The following ABI3BP variants were observed in gnomAD, a reference collection of about 807,000 sequenced individuals.
ABI3BP encodes the protein target of Nesh-SH3.
A neutral mutation model predicts 268.6 loss-of-function variants in ABI3BP; 216 were observed. The ratio of observed to expected loss-of-function variants is 0.80; its 90% CI spans 0.72 to 0.90. The LOEUF (loss-of-function observed/expected upper bound fraction) is 0.90. Ranked by LOEUF, ABI3BP falls within the 40% of genes least tolerant of loss-of-function variation. ABI3BP has a pLI of 0.00. For synonymous variants in ABI3BP, 730 were observed against 730.0 expected, an observed-to-expected ratio of 1.00 and a Z score of 0.00; for missense variants, 2,090 against 2,182.4, an observed-to-expected ratio of 0.96 and a Z score of 0.84.
intron 46 of ABI3BP, 76 bp downstream of exon 46, chr3:100,812,391 G>A (rs919505066): frequency 3.0e-6 from 3 of 994,626 alleles, no homozygotes; most frequent in Non-Finnish European, 4.0e-6. Context: ...CACAAAGCAT[G>A]AGGACATCCA....
chr3:100,751,024 T>C (rs1318596611), intron 67 of ABI3BP, among the ~76,000 whole-genome samples: 1 of 152,174 alleles, frequency 6.6e-6, no homozygotes, highest in Non-Finnish European at 1.5e-5. Context: ...TTTACCCCCT[T>C]CTGCACTGCT....
At chr3:100,908,287 G>T (rs946349606) in intron 2 of ABI3BP, among the ~76,000 whole-genome samples, 2 of 152,012 alleles carry the variant, frequency 1.3e-5, no homozygotes, top group East Asian at 1.9e-4. Context: ...TACTAAACAT[G>T]CCAGACCCTT....
intron 19 of ABI3BP, 27 bp downstream of exon 19, chr3:100,847,574 AC>A: frequency 6.4e-7 from 1 of 1,565,698 alleles, no homozygotes; most frequent in Non-Finnish European, 8.8e-7. Flanking sequence ...ATGAAGCAAC[AC>A]ATCTACTAAG....
rs150987832 is a variant in ABI3BP at position 100,827,727 on chromosome 3, A to G, written c.2602+666T>C. On this transcript the variant is annotated intron_variant, in intron 34 of 67. Coordinates refer to ENST00000471714, the MANE Select transcript of ABI3BP (RefSeq NM_001375547.2). ...AAATTTGCAAAGATGCAAATTTGACAGATTAAATAAATTTATTAATTCAGA... is the reference window on the plus strand; with the variant it reads ...AAATTTGCAAAGATGCAAATTTGACGGATTAAATAAATTTATTAATTCAGA... Among the ~76,000 whole-genome samples, 81 of 152,248 alleles carry G rather than the reference A, an allele frequency of 5.3e-4. 1 individual carries two copies. Among genetic ancestry groups the G allele is most frequent in the African/African-American group, 1.9e-3 (77 of 41,578 alleles).
chr3:100,821,350 T>C (rs2098216380), intron 38 of ABI3BP, among the ~76,000 whole-genome samples: 1 of 152,116 alleles, frequency 6.6e-6, no homozygotes, highest in African/African-American at 2.4e-5. Context: ...TAATACAAAA[T>C]GGACTATGTA....
In ABI3BP at chr3:100,855,135, C is replaced by T. The variant is rs111924735; in HGVS notation, c.1286-3195G>A. ...TAGAGACAGGGTTTCATCATGTTGG[C>T]CAGGCTGGCTTCAAACTCCTGACCT... is the stretch of plus-strand genomic sequence containing the variant. On this transcript the variant is annotated intron_variant, in intron 14 of 67. Transcript: ENST00000471714. 3.3e-3 allele frequency among the ~76,000 whole-genome samples: 508 copies of T among 152,282 alleles called. 7 individuals are homozygous for T. Among genetic ancestry groups the T allele is most frequent in the African/African-American group, 0.012 (487 of 41,564 alleles).
intron 58 of ABI3BP, 37 bp from the exon 59 acceptor site, chr3:100,778,413 G>C (rs994480657): frequency 2.6e-6 from 4 of 1,552,134 alleles, no homozygotes; most frequent in Non-Finnish European, 3.5e-6. Context: ...TTTAGATAAA[G>C]CCATCATAAA....
intron 1 of ABI3BP, among the ~76,000 whole-genome samples, chr3:100,991,637 G>GA (rs1187062613): frequency 2.0e-5 from 3 of 151,852 alleles, no homozygotes; most frequent in Admixed American, 2.0e-4. Context: ...TTCCAATAAA[G>GA]AAAAAACATA....
At chr3:100,817,378 T>C (rs765779808) in intron 42 of ABI3BP, 58 bp downstream of exon 42, 46 of 1,194,868 alleles carry the variant, frequency 3.8e-5, no homozygotes, top group African/African-American at 3.1e-5. Context: ...ATGATAATGA[T>C]GGAATGGATT....
chr3:100,975,743 G>A (rs918713897), intron 1 of ABI3BP, among the ~76,000 whole-genome samples: 2 of 152,100 alleles, frequency 1.3e-5, no homozygotes, highest in African/African-American at 4.8e-5. Flanking sequence ...TTGAATCTGA[G>A]TGAAAGCAAG....
chr3:100,823,433 G>A lies in ABI3BP; in HGVS notation c.2803+25C>T. 2 of 1,516,678 alleles carry A rather than the reference G, an allele frequency of 1.3e-6. 1 individual carries two copies. Among genetic ancestry groups the A allele is most frequent in the South Asian group, 2.5e-5 (2 of 80,670 alleles). 94.0% of individuals were successfully genotyped at this position (1,516,678 alleles called of 1,614,324 possible). A position where few individuals can be genotyped will look rare whatever the true frequency, so the allele number is the denominator to read the frequency against. On this transcript the variant is annotated intron_variant, in intron 37 of 67. Transcript: ENST00000471714. ...GTTTGACAATAAGCAAAAGAAGCTT[G>A]TCGAAAACACTGTATCAACGTTACC...
intron 1 of ABI3BP, 124 bp from the exon 2 acceptor site, chr3:100,926,605 C>T (rs2061872100): frequency 1.2e-6 from 1 of 867,358 alleles, no homozygotes; most frequent in South Asian, 1.7e-5. Flanking sequence ...TACTTTGCTA[C>T]TCAGTATTAC....
At chr3:100,757,511 A>G (rs992523699) in intron 63 of ABI3BP, among the ~76,000 whole-genome samples, 4 of 152,178 alleles carry the variant, frequency 2.6e-5, no homozygotes, top group Non-Finnish European at 5.9e-5. Context: ...ATATCCTAAT[A>G]TGTCCAGCTA....
Position 100,939,731 on chromosome 3 carries a change from C to T in ABI3BP, c.80-13250G>A, listed in dbSNP as rs1299684053. Among the ~76,000 whole-genome samples the T allele has an allele frequency of 2.0e-5, 3 of 152,162 alleles. No homozygotes were observed. In the East Asian group the frequency reaches 5.8e-4, roughly 29 times the overall value. ...TTTTGGGCACCACTGTCATTGATAA[C>T]ATCTTATCAGGAGACAGGGTTTTGA... On this transcript the variant is annotated intron_variant, in intron 1 of 67. Coordinates refer to ENST00000471714, the MANE Select transcript of ABI3BP (RefSeq NM_001375547.2).
At chr3:100,797,834 A>G (rs1387644854) in intron 51 of ABI3BP, among the ~76,000 whole-genome samples, 1 of 152,104 alleles carries the variant, frequency 6.6e-6, no homozygotes, top group Non-Finnish European at 1.5e-5. Flanking sequence ...TTCTTAAAGA[A>G]AAAAGGAAAC....
intron 66 of ABI3BP, 42 bp from the exon 67 acceptor site, chr3:100,751,716 C>T: frequency 1.3e-6 from 2 of 1,528,274 alleles, no homozygotes; most frequent in Non-Finnish European, 1.8e-6. Context: ...TACTTTCTTA[C>T]TTTGAAATGT....
At chr3:100,966,370 A>C (rs1176938558) in intron 1 of ABI3BP, among the ~76,000 whole-genome samples, 2 of 152,150 alleles carry the variant, frequency 1.3e-5, no homozygotes, top group African/African-American at 4.8e-5. Context: ...GAATTTCATG[A>C]CCCAAAAGGC....
intron 30 of ABI3BP, 118 bp from the exon 31 acceptor site, chr3:100,832,468 A>T: frequency 1.0e-6 from 1 of 1,003,240 alleles, no homozygotes; most frequent in East Asian, 2.6e-5. Context: ...GAACTTTGTC[A>T]TTTTCGTTTG....
At chr3:100,846,858 G>A (rs746262622) in intron 19 of ABI3BP, among the ~76,000 whole-genome samples, 16 of 152,162 alleles carry the variant, frequency 1.1e-4, no homozygotes, top group South Asian at 2.1e-4. Context: ...ATTCACTGAC[G>A]TATGTGCAGG....
Sources: gnomAD v4.1 joint callset for allele counts (sites outside exome capture counted in the v4.1 genomes callset) on GRCh38, gnomAD v4.1.1 for gene constraint, MANE v1.5 for transcripts, NCBI Gene and HGNC (gene_info 2026-07-23, HGNC 2026-07-21) for gene names.